TTC27: variants seen among roughly 807,000 people sequenced by gnomAD.
TTC27 encodes tetratricopeptide repeat protein 27.
TTC27 carries 79 observed loss-of-function variants against 115.9 expected under a neutral mutation model. That is an observed-to-expected ratio of 0.68 (90% CI 0.57 to 0.82). The LOEUF is 0.82. TTC27 is among the 40% of genes least tolerant of loss of function. The pLI is 0.00. For synonymous variants in TTC27, 401 were observed against 356.0 expected (o/e 1.13, Z -1.42); for missense variants, 1,054 against 993.1 (o/e 1.06, Z -0.82).
chr2:32,777,305 G>A (rs1374385249), intron 13 of TTC27, among the ~76,000 whole-genome samples: 1 of 152,186 alleles, frequency 6.6e-6, no homozygotes, highest in Admixed American at 6.5e-5. Flanking sequence ...AGAATGCATG[G>A]GGGATTGCTT....
intron 4 of TTC27, among the ~76,000 whole-genome samples, chr2:32,645,328 TA>T (rs1384072580): frequency 1.3e-5 from 2 of 152,160 alleles, no homozygotes; most frequent in Admixed American, 6.6e-5. Flanking sequence ...AGTTTCCATT[TA>T]TAAAATGGGA....
chr2:32,748,532 ATAT>A (rs1359382489), intron 12 of TTC27, among the ~76,000 whole-genome samples: 1 of 152,102 alleles, frequency 6.6e-6, no homozygotes, highest in East Asian at 1.9e-4. Flanking sequence ...ACATCTCCAA[ATAT>A]TATTGTTCAG....
chr2:32,700,166 G>A (rs934063438), intron 9 of TTC27, among the ~76,000 whole-genome samples: 3 of 152,152 alleles, frequency 2.0e-5, no homozygotes, highest in Admixed American at 1.3e-4. Flanking sequence ...GGCCAGATGT[G>A]CTTTTCAGTG....
intron 6 of TTC27, among the ~76,000 whole-genome samples, chr2:32,666,210 A>G (rs1240408377): frequency 6.6e-6 from 1 of 152,206 alleles, no homozygotes; most frequent in Admixed American, 6.5e-5. Context: ...TTGATATAGA[A>G]CCAAAAGATC....
intron 12 of TTC27, among the ~76,000 whole-genome samples, chr2:32,740,348 A>G (rs1668588231): frequency 6.6e-6 from 1 of 152,082 alleles, no homozygotes. Flanking sequence ...GATCATTGTA[A>G]TCATGGACTC....
At chr2:32,779,453 T>C (rs1339244654) in intron 14 of TTC27, among the ~76,000 whole-genome samples, 1 of 152,228 alleles carries the variant, frequency 6.6e-6, no homozygotes, top group Admixed American at 6.5e-5. Context: ...TCTTTGGAAA[T>C]GTCTATTCAC....
chr2:32,760,475 C>T (rs538394063), intron 13 of TTC27, among the ~76,000 whole-genome samples: 7 of 152,114 alleles, frequency 4.6e-5, no homozygotes, highest in Admixed American at 1.3e-4. Flanking sequence ...CTAAACATCC[C>T]GTAATACACA....
intron 16 of TTC27, among the ~76,000 whole-genome samples, chr2:32,789,978 G>GAATA: frequency 1.3e-5 from 1 of 79,244 alleles, no homozygotes; most frequent in African/African-American, 4.8e-5. Flanking sequence ...CCCTAAGAAA[G>GAATA]AATAAAAGGA....
chr2:32,702,020 A>AAAC (rs1553553236), intron 9 of TTC27, among the ~76,000 whole-genome samples: 2 of 145,488 alleles, frequency 1.4e-5, no homozygotes, highest in Admixed American at 6.9e-5. Context: ...CAAAAAAAAA[A>AAAC]AAAAACAAAA....
intron 13 of TTC27, among the ~76,000 whole-genome samples, chr2:32,768,063 A>G (rs1347478395): frequency 2.0e-5 from 3 of 152,232 alleles, no homozygotes; most frequent in Non-Finnish European, 4.4e-5. Context: ...TGGTATTAGC[A>G]TAAAATATGA....
At chr2:32,637,830 T>C (rs766230931) in intron 3 of TTC27, among the ~76,000 whole-genome samples, 4 of 152,154 alleles carry the variant, frequency 2.6e-5, no homozygotes, top group Non-Finnish European at 5.9e-5. Flanking sequence ...GTACCTCCAG[T>C]TGGGGTTCTC....
At chr2:32,646,428 C>T (rs1664862447) in intron 4 of TTC27, among the ~76,000 whole-genome samples, 1 of 152,130 alleles carries the variant, frequency 6.6e-6, no homozygotes, top group Admixed American at 6.5e-5. Context: ...CTTGGCTTCC[C>T]AAAGTGCTGG....
Position 32,650,272 on chromosome 2 carries a change from C to CG in TTC27, c.640+39_640+40insG, listed in dbSNP as rs759929902. Reference sequence around the variant, plus strand: ...TTTTGTTTGATATGGGCATGTAGCTCAGTTCTAATTACTTGGCTGAGATAC... The same window carrying CG: ...TTTTGTTTGATATGGGCATGTAGCTCGAGTTCTAATTACTTGGCTGAGATAC... On this transcript the variant is annotated intron_variant, in intron 5 of 19. Transcript: ENST00000317907. 11 of 1,496,888 alleles carry CG rather than the reference C, an allele frequency of 7.3e-6. No individual in the cohort carries two copies. In the South Asian group the frequency reaches 1.0e-4, roughly 14 times the overall value. The allele number at this position is 1,496,888 out of a possible 1,614,324, so 92.7% of individuals were successfully genotyped here.
At chr2:32,694,013 AGAACCACCGTTGTAGAGGC>A (rs1159519913) in intron 9 of TTC27, among the ~76,000 whole-genome samples, 3 of 152,234 alleles carry the variant, frequency 2.0e-5, no homozygotes, top group African/African-American at 7.2e-5. Flanking sequence ...AATTCTGGTT[AGAACCACCGTTGTAGAGGC>A]TTTTGCAGTT....
intron 3 of TTC27, among the ~76,000 whole-genome samples, chr2:32,637,344 T>G (rs1664466991): frequency 6.6e-6 from 1 of 152,060 alleles, no homozygotes; most frequent in Non-Finnish European, 1.5e-5. Context: ...CTTTCTTTTT[T>G]TTTTTCAGAC....
At chr2:32,656,358 G>T (rs977900322) in intron 5 of TTC27, among the ~76,000 whole-genome samples, 3 of 152,188 alleles carry the variant, frequency 2.0e-5, no homozygotes, top group African/African-American at 7.2e-5. Flanking sequence ...TCACGAAGTG[G>T]CTGATACTTG....
chr2:32,664,256 T>A, intron 5 of TTC27, 47 bp from the exon 6 acceptor site: 1 of 1,516,030 alleles, frequency 6.6e-7, no homozygotes, highest in Non-Finnish European at 8.9e-7. Context: ...CATTAATATA[T>A]TTTTCTTCTC....
At chr2:32,798,132 C>G (rs1226314279) in intron 16 of TTC27, among the ~76,000 whole-genome samples, 1 of 151,000 alleles carries the variant, frequency 6.6e-6, no homozygotes, top group Non-Finnish European at 1.5e-5. Context: ...ATAGGCCAGG[C>G]GCGGTGGCTC....
intron 16 of TTC27, 52 bp from the exon 17 acceptor site, chr2:32,810,972 T>C (rs1572634559): frequency 1.3e-6 from 2 of 1,580,164 alleles, no homozygotes; most frequent in Non-Finnish European, 1.7e-6. Context: ...TCTTTGTTTT[T>C]GTTATTGTTT....
Sources: allele counts gnomAD v4.1 joint callset (sites outside exome capture counted in the v4.1 genomes callset), GRCh38; gene constraint gnomAD v4.1.1; transcripts MANE v1.5; gene names NCBI Gene and HGNC (gene_info 2026-07-23, HGNC 2026-07-21).